Variants in ADGRV1 observed in about 807,000 individuals in gnomAD.
The protein encoded by ADGRV1 is G-protein coupled receptor 98.
In ADGRV1, 359 loss-of-function variants were observed where a neutral mutation model predicts 596.2. That is an observed-to-expected ratio of 0.60 (90% CI 0.55 to 0.66). ADGRV1 has a LOEUF of 0.66. ADGRV1 is among the 30% of genes least tolerant of loss of function. The pLI is 0.00. For synonymous variants in ADGRV1, 2,681 were observed against 2,679.2 expected (o/e 1.00, Z -0.02); for missense variants, 7,274 against 7,575.6 (o/e 0.96, Z 1.48).
At chr5:90,805,157 C>T (rs1761780517) in intron 71 of ADGRV1, 127 bp from the exon 72 acceptor site, 4 of 570,398 alleles carry the variant, frequency 7.0e-6, no homozygotes, top group Non-Finnish European at 1.1e-5. Context: ...AAGCACTTCT[C>T]TTTAATTCAG....
intron 25 of ADGRV1, 47 bp downstream of exon 25, chr5:90,676,256 T>C (rs1333168299): frequency 1.9e-6 from 3 of 1,567,138 alleles, no homozygotes; most frequent in Non-Finnish European, 8.6e-7. Context: ...TGTCTACCCA[T>C]GCTGATGAAA....
chr5:90,758,979 G>A (rs181486840), intron 57 of ADGRV1, among the ~76,000 whole-genome samples: 2 of 152,186 alleles, frequency 1.3e-5, no homozygotes, highest in Non-Finnish European at 2.9e-5. Context: ...TTCATATCAT[G>A]TAATATTAAT....
chr5:90,956,320 T>C (rs1415287702), intron 83 of ADGRV1, among the ~76,000 whole-genome samples: 1 of 152,066 alleles, frequency 6.6e-6, no homozygotes, highest in Admixed American at 6.6e-5. Context: ...AATGAAAAAA[T>C]GAACATGGTT....
intron 85 of ADGRV1, among the ~76,000 whole-genome samples, chr5:91,068,249 G>T (rs1788057605): frequency 2.0e-5 from 3 of 151,650 alleles, no homozygotes. Flanking sequence ...AAGATCAGGA[G>T]ATCAAGACCA....
chr5:90,637,341 T>G (rs1766344380), intron 10 of ADGRV1, among the ~76,000 whole-genome samples: 1 of 152,180 alleles, frequency 6.6e-6, no homozygotes, highest in Admixed American at 6.5e-5. Flanking sequence ...CAGTTTATAT[T>G]GTGATAGTAA....
chr5:90,597,004 T>G (rs1451242889), intron 1 of ADGRV1, among the ~76,000 whole-genome samples: 1 of 152,176 alleles, frequency 6.6e-6, no homozygotes, highest in East Asian at 1.9e-4. Context: ...AAGAGAGATA[T>G]GATCAACTCA....
intron 38 of ADGRV1, among the ~76,000 whole-genome samples, chr5:90,707,896 G>C (rs1269272737): frequency 6.6e-6 from 1 of 152,054 alleles, no homozygotes; most frequent in African/African-American, 2.4e-5. Context: ...GTGGTAGGGA[G>C]GAAGTATTGC....
chr5:91,014,175 C>CACA (rs56200811), intron 85 of ADGRV1, among the ~76,000 whole-genome samples: 1 of 143,504 alleles, frequency 7.0e-6, no homozygotes, highest in Non-Finnish European at 1.5e-5. Flanking sequence ...CACACACACA[C>CACA]CCCTAGACAT....
At chr5:90,866,513 C>T (rs970087430) in intron 83 of ADGRV1, among the ~76,000 whole-genome samples, 2 of 151,896 alleles carry the variant, frequency 1.3e-5, no homozygotes, top group African/African-American at 2.4e-5. Context: ...TTAAATTTAT[C>T]GATCTCTCTT....
At position 90,766,019 on chromosome 5, in the gene ADGRV1, C is replaced by T. The variant is rs189404837; in HGVS notation, c.12285+2550C>T. On this transcript the variant is annotated intron_variant, in intron 59 of 89. Transcript: ENST00000405460. ...CCACCTCCCGGGTTTACGCCATTCT[C>T]CTGCCTCAGCCTCCCGAGTAGCTGG... Among the ~76,000 whole-genome samples, 1,302 of 152,178 alleles carry T rather than the reference C, an allele frequency of 8.6e-3. 13 individuals are homozygous for T. Among genetic ancestry groups the T allele is most frequent in the African/African-American group, 0.03 (1,232 of 41,518 alleles).
chr5:90,835,402 C>A (rs1372385287), intron 77 of ADGRV1, among the ~76,000 whole-genome samples: 1 of 152,094 alleles, frequency 6.6e-6, no homozygotes, highest in East Asian at 1.9e-4. Context: ...ACAAAAGGAT[C>A]CTCTGTGTCT....
chr5:90,815,575 A>G (rs776207646), intron 74 of ADGRV1, 44 bp from the exon 75 acceptor site: 42 of 1,151,230 alleles, frequency 3.6e-5, no homozygotes, highest in Non-Finnish European at 4.6e-5. Context: ...GAGGTCTTTT[A>G]AATAATTCTT....
At chr5:91,060,025 A>G (rs1787261385) in intron 85 of ADGRV1, among the ~76,000 whole-genome samples, 1 of 152,176 alleles carries the variant, frequency 6.6e-6, no homozygotes, top group Non-Finnish European at 1.5e-5. Context: ...TATTTATTCA[A>G]TTAAAAAATT....
chr5:90,923,876 C>T (rs1292989306), intron 83 of ADGRV1, among the ~76,000 whole-genome samples: 3 of 149,366 alleles, frequency 2.0e-5, no homozygotes, highest in South Asian at 2.1e-4. Context: ...TGAGAATATG[C>T]AGTGTTTGGT....
At chr5:90,681,536 C>G in intron 27 of ADGRV1, 82 bp downstream of exon 27, 1 of 1,365,682 alleles carries the variant, frequency 7.3e-7, no homozygotes, top group South Asian at 1.7e-5. Context: ...GTGTTTTATG[C>G]TTTCCTTTTT....
At chr5:90,816,511 TTAAC>T (rs1476361813) in intron 75 of ADGRV1, among the ~76,000 whole-genome samples, 2 of 151,736 alleles carry the variant, frequency 1.3e-5, no homozygotes, top group Non-Finnish European at 2.9e-5. Flanking sequence ...GCTGCACCCA[TTAAC>T]TCATCATTTA....
chr5:90,604,714 A>C (rs1026855672), intron 1 of ADGRV1, among the ~76,000 whole-genome samples: 3 of 152,150 alleles, frequency 2.0e-5, no homozygotes, highest in Non-Finnish European at 2.9e-5. Context: ...ATCTTAGTTA[A>C]ACATGTGATC....
chr5:90,764,643 C>A lies in ADGRV1; in HGVS notation c.12285+1174C>A, dbSNP rs546306034. Among the ~76,000 whole-genome samples, 216 of 152,264 alleles carry A rather than the reference C, an allele frequency of 1.4e-3. 2 individuals are homozygous for A. The highest frequency in any genetic ancestry group is 0.01 in the Middle Eastern group (3 of 294). ...GTGCTCCCCCTCCCTTATGGGCAGC[C>A]TACACTGTGGGTTTAGATCTTCAGA... On this transcript the variant is annotated intron_variant, in intron 59 of 89. Coordinates refer to ENST00000405460, the MANE Select transcript of ADGRV1 (RefSeq NM_032119.4).
At chr5:90,729,282 A>G (rs1244775672) in intron 49 of ADGRV1, among the ~76,000 whole-genome samples, 1 of 152,224 alleles carries the variant, frequency 6.6e-6, no homozygotes. Flanking sequence ...GTATTAGTAA[A>G]TAATGTTCAG....
Sources: allele counts gnomAD v4.1 joint callset (sites outside exome capture counted in the v4.1 genomes callset), GRCh38; gene constraint gnomAD v4.1.1; transcripts MANE v1.5; gene names NCBI Gene and HGNC (gene_info 2026-07-23, HGNC 2026-07-21).